Variants in VMP1 observed in about 807,000 individuals in gnomAD.
VMP1 encodes vacuole membrane protein 1.
A neutral mutation model predicts 56.0 loss-of-function variants in VMP1; 11 were observed. The ratio of observed to expected loss-of-function variants is 0.20; its 90% CI spans 0.12 to 0.32. The LOEUF (loss-of-function observed/expected upper bound fraction) is 0.32. Ranked by LOEUF, VMP1 falls within the 10% of genes least tolerant of loss-of-function variation. VMP1 has a pLI of 1.00. For synonymous variants in VMP1, 149 were observed against 165.0 expected, an observed-to-expected ratio of 0.90 and a Z score of 0.74; for missense variants, 296 against 490.3, an observed-to-expected ratio of 0.60 and a Z score of 3.74.
chr17:59,794,966 A>G (rs2037381923), intron 7 of VMP1, among the ~76,000 whole-genome samples: 1 of 150,502 alleles, frequency 6.6e-6, no homozygotes, highest in Admixed American at 6.6e-5. Context: ...TTGGTAAACT[A>G]ATCGTTGGCA....
At chr17:59,752,156 C>T (rs993437428) in intron 5 of VMP1, among the ~76,000 whole-genome samples, 1 of 152,190 alleles carries the variant, frequency 6.6e-6, no homozygotes, top group African/African-American at 2.4e-5. Context: ...ATTTACACAT[C>T]GTGGGCTATC....
At chr17:59,707,991 G>A (rs2033746137) in intron 1 of VMP1, 1 of 152,224 alleles carries the variant, frequency 6.6e-6, no homozygotes, top group Non-Finnish European at 1.5e-5. Flanking sequence ...CAGACACCGG[G>A]CTGTTCGTTC....
chr17:59,760,660 C>T (rs2143962842), intron 5 of VMP1, among the ~76,000 whole-genome samples: 1 of 152,164 alleles, frequency 6.6e-6, no homozygotes, highest in Middle Eastern at 3.4e-3. Flanking sequence ...CTTGCTCTGA[C>T]GTCAGGCTGG....
At chr17:59,716,942 T>C (rs1179814929) in intron 1 of VMP1, among the ~76,000 whole-genome samples, 1 of 152,224 alleles carries the variant, frequency 6.6e-6, no homozygotes, top group Non-Finnish European at 1.5e-5. Context: ...CTTCATTATC[T>C]TAATTCTTGA....
chr17:59,764,000 C>T (rs960898737), intron 5 of VMP1, among the ~76,000 whole-genome samples: 1 of 152,094 alleles, frequency 6.6e-6, no homozygotes, highest in African/African-American at 2.4e-5. Flanking sequence ...TAACCAACTC[C>T]CTAGTATGCA....
chr17:59,740,202 G>A (rs2035177812), intron 5 of VMP1, among the ~76,000 whole-genome samples: 1 of 152,084 alleles, frequency 6.6e-6, no homozygotes, highest in Admixed American at 6.6e-5. Flanking sequence ...TAGATACTGA[G>A]GGCACAAAAT....
At chr17:59,765,528 TTAATG>T (rs2036200736) in intron 6 of VMP1, among the ~76,000 whole-genome samples, 1 of 152,226 alleles carries the variant, frequency 6.6e-6, no homozygotes, top group Non-Finnish European at 1.5e-5. Context: ...AACGGAAGCC[TTAATG>T]ATAAATAGTA....
intron 7 of VMP1, among the ~76,000 whole-genome samples, chr17:59,805,923 A>T (rs1366254470): frequency 6.6e-6 from 1 of 152,132 alleles, no homozygotes; most frequent in Non-Finnish European, 1.5e-5. Context: ...GCAATTGAAT[A>T]CAATCTTCCC....
intron 10 of VMP1, chr17:59,837,810 G>A (rs976234416): frequency 6.6e-6 from 1 of 152,294 alleles, no homozygotes; most frequent in Non-Finnish European, 1.5e-5. Context: ...CAGAGAGAGG[G>A]CGGGCAGTTT....
rs529247085 is a variant in VMP1, at chr17:59,828,841, C to T, written c.975-9454C>T. Reference sequence around the variant, plus strand: ...TCAAAGATTCATATACTGAGCCAGGCACAGAGGCTTATGCCTGTAATCCCA... The same window carrying T: ...TCAAAGATTCATATACTGAGCCAGGTACAGAGGCTTATGCCTGTAATCCCA... On this transcript the variant is annotated intron_variant, in intron 10 of 11. Transcript: ENST00000262291. Among the ~76,000 whole-genome samples the T allele has an allele frequency of 1.9e-3, 291 of 152,280 alleles. 2 individuals carry two copies. The highest frequency in any genetic ancestry group is 6.7e-3 in the African/African-American group (277 of 41,560).
In VMP1 at chr17:59,721,753, T is replaced by C. The variant is rs143427300; in HGVS notation, c.-26-9668T>C. Among the ~76,000 whole-genome samples the C allele has an allele frequency of 3.7e-5, 5 of 136,390 alleles. No homozygotes were observed. The East Asian group carries it at 1.2e-3, about 31-fold the overall frequency. The allele number at this position is 136,390 out of a possible 152,430, so 89.5% of individuals were successfully genotyped here. A position where few individuals can be genotyped will look rare whatever the true frequency, so the allele number is the denominator to read the frequency against. ...ACAAAACAAAACAAAACAAAACAAT[T>C]CTGCAATCTGGATACCCTTATTTAT... On this transcript the variant is annotated intron_variant, in intron 1 of 11. Transcript: ENST00000262291.
chr17:59,767,819 A>G (rs893401500), intron 6 of VMP1, among the ~76,000 whole-genome samples: 5 of 152,202 alleles, frequency 3.3e-5, no homozygotes, highest in African/African-American at 7.2e-5. Flanking sequence ...GCATCATAGT[A>G]ATCAGCATTA....
intron 5 of VMP1, among the ~76,000 whole-genome samples, chr17:59,753,115 A>G (rs1291537244): frequency 1.3e-5 from 2 of 152,032 alleles, no homozygotes; most frequent in Non-Finnish European, 2.9e-5. Flanking sequence ...GTCTCTACGA[A>G]AAAAATTTTT....
intron 7 of VMP1, among the ~76,000 whole-genome samples, chr17:59,791,094 T>C (rs572855297): frequency 1.3e-5 from 2 of 152,154 alleles, no homozygotes; most frequent in African/African-American, 4.8e-5. Flanking sequence ...ATAACTGTAC[T>C]CATTTTTCAT....
intron 10 of VMP1, among the ~76,000 whole-genome samples, chr17:59,829,354 A>G (rs2038742071): frequency 6.6e-6 from 1 of 152,190 alleles, no homozygotes; most frequent in Non-Finnish European, 1.5e-5. Context: ...GAAAGATTGC[A>G]TGATAAACTC....
rs1190259276 is a variant in VMP1, at chr17:59,738,906, G to A, written c.373G>A (p.Val125Ile). 1.2e-6 allele frequency: 2 copies of A among 1,613,032 alleles called. No homozygotes were observed. The highest frequency in any genetic ancestry group is 8.5e-7 in the Non-Finnish European group (1 of 1,179,564). ...YWIGLGILSS[V>I]GLGTGLHTFL... ...GATAGGCTTAGGAATTTTGTCTTCT[G>A]TTGGGCTTGGAACAGGGCTGCACAC... Residue 125 changes from valine to isoleucine, a missense_variant, in exon 5 of 12, where the codon GTT becomes ATT. By Grantham distance (29) the Val-to-Ile change is conservative. Around this residue, in one of 4 missense-constraint regions of VMP1, gnomAD observed 126 missense variants for 231.6 expected, o/e 0.54. Transcript: ENST00000262291.
At chr17:59,768,802 G>T (rs1024534590) in intron 6 of VMP1, among the ~76,000 whole-genome samples, 6 of 151,856 alleles carry the variant, frequency 4.0e-5, no homozygotes, top group Non-Finnish European at 8.8e-5. Context: ...CCAAGATAGT[G>T]AAATGCTGTC....
chr17:59,753,771 G>C (rs2035741098), intron 5 of VMP1, among the ~76,000 whole-genome samples: 1 of 152,102 alleles, frequency 6.6e-6, no homozygotes, highest in Non-Finnish European at 1.5e-5. Context: ...CAAATATTTA[G>C]CTATAAGTAG....
chr17:59,758,462 G>A (rs905079046), intron 5 of VMP1, among the ~76,000 whole-genome samples: 29 of 152,180 alleles, frequency 1.9e-4, no homozygotes, highest in African/African-American at 6.7e-4. Flanking sequence ...CAAGGCAGGA[G>A]GATCCCTTGA....
Sources: gnomAD v4.1 joint callset for allele counts (sites outside exome capture counted in the v4.1 genomes callset) on GRCh38, gnomAD v4.1.1 for gene constraint, gnomAD v4.1.1 regional missense constraint, MANE v1.5 for transcripts, NCBI Gene and HGNC (gene_info 2026-07-23, HGNC 2026-07-21) for gene names.